Variants in MYH9 observed in about 807,000 individuals in gnomAD.
MYH9 encodes myosin heavy chain 9, also known as myosin-9.
A neutral mutation model predicts 241.9 loss-of-function variants in MYH9; 29 were observed. The ratio of observed to expected loss-of-function variants is 0.12; its 90% CI spans 0.09 to 0.16. The LOEUF is 0.16. Among genes scored for constraint, MYH9 ranks in the 10% least tolerant of loss-of-function variants. MYH9 has a pLI of 1.00. For missense variants in MYH9, 1,803 were observed against 2,595.5 expected, an observed-to-expected ratio of 0.69 and a Z score of 6.63; for synonymous variants, 1,047 against 1,062.6, an observed-to-expected ratio of 0.99 and a Z score of 0.29.
intron 19 of MYH9, among the ~76,000 whole-genome samples, chr22:36,303,784 C>CAAAA (rs56983008): frequency 4.1e-5 from 2 of 48,414 alleles, no homozygotes; most frequent in Non-Finnish European, 4.4e-5. Flanking sequence ...GACTCCGTCT[C>CAAAA]AAAAAAAAAA....
intron 3 of MYH9, among the ~76,000 whole-genome samples, 199 bp from the exon 4 acceptor site, chr22:36,327,687 G>T (rs1021442545): frequency 3.3e-5 from 5 of 152,116 alleles, no homozygotes; most frequent in South Asian, 2.1e-4. Context: ...TGCTCCTGCC[G>T]CCCAGGAGCT....
Position 36,330,063 on chromosome 22 carries a change from A to G in MYH9, c.491-2575T>C, listed in dbSNP as rs2017398566. Among the ~76,000 whole-genome samples, 1 of 152,236 alleles carries G rather than the reference A, an allele frequency of 6.6e-6. No individual in the cohort carries two copies. The highest frequency in any genetic ancestry group is 2.4e-5 in the African/African-American group (1 of 41,460). ...CATGCACACACACGGATGTATGCAC[A>G]GGCACACACACTTCAAATTCCGAAA... On this transcript the variant is annotated intron_variant, in intron 3 of 40. Transcript: ENST00000216181. The surrounding 1 kb of genome is among the most constrained non-coding windows in gnomAD (Gnocchi z 4.5).
chr22:36,305,796 C>T lies in MYH9; in HGVS notation c.2159+134G>A. ...GAGAAGGAGGTGGGGAAGAGCTGGCCAGACTCAGTTCTACATGGATGGAGG... is the reference window on the plus strand; with the variant it reads ...GAGAAGGAGGTGGGGAAGAGCTGGCTAGACTCAGTTCTACATGGATGGAGG... On this transcript the variant is annotated intron_variant, in intron 17 of 40. Transcript: ENST00000216181. This position sits in a 1 kb window ranked among gnomAD's most constrained non-coding sequence, Gnocchi z 4.7. The T allele has an allele frequency of 1.5e-6, 2 of 1,303,642 alleles. No individual in the cohort carries two copies. Among genetic ancestry groups the T allele is most frequent in the African/African-American group, 1.4e-5 (1 of 69,076 alleles). The allele number at this position is 1,303,642 out of a possible 1,614,324, so 80.8% of individuals were successfully genotyped here. A position where few individuals can be genotyped will look rare whatever the true frequency, so the allele number is the denominator to read the frequency against.
chr22:36,318,449 C>T (rs1186819373), intron 10 of MYH9, 124 bp from the exon 11 acceptor site: 7 of 829,362 alleles, frequency 8.4e-6, no homozygotes, highest in South Asian at 5.3e-5. Flanking sequence ...GGAAGAAAGC[C>T]ACGGGGTGAA....
chr22:36,341,923 G>A (rs999043521), intron 2 of MYH9, among the ~76,000 whole-genome samples: 8 of 152,258 alleles, frequency 5.3e-5, no homozygotes, highest in African/African-American at 1.9e-4. Flanking sequence ...CTCAGCTGCA[G>A]CGCAGCAAAC....
At chr22:36,371,724 A>C (rs2018092766) in intron 1 of MYH9, among the ~76,000 whole-genome samples, 1 of 151,954 alleles carries the variant, frequency 6.6e-6, no homozygotes, top group Non-Finnish European at 1.5e-5. Flanking sequence ...TTTAGTAGAG[A>C]CGGTTTCACC....
intron 34 of MYH9, among the ~76,000 whole-genome samples, chr22:36,287,780 A>G (rs747307059): frequency 6.6e-6 from 1 of 152,238 alleles, no homozygotes; most frequent in Non-Finnish European, 1.5e-5. Flanking sequence ...AACTAAGGTT[A>G]TTCTTGTTAC....
At chr22:36,316,735 C>A in intron 11 of MYH9, 66 bp from the exon 12 acceptor site, 1 of 1,591,902 alleles carries the variant, frequency 6.3e-7, no homozygotes, top group Non-Finnish European at 8.6e-7. Flanking sequence ...ATACCCTATG[C>A]CCCAGTAATT....
chr22:36,374,437 T>C (rs1173217903), intron 1 of MYH9, among the ~76,000 whole-genome samples: 1 of 152,208 alleles, frequency 6.6e-6, no homozygotes, highest in African/African-American at 2.4e-5. Context: ...GGAGGATTGC[T>C]TGAACCTGGG....
chr22:36,357,668 C>T (rs2017877503), intron 1 of MYH9, among the ~76,000 whole-genome samples: 1 of 152,264 alleles, frequency 6.6e-6, no homozygotes, highest in South Asian at 2.1e-4. Context: ...AGTCGTCATC[C>T]TCCCCCATCT....
At chr22:36,282,849 A>G (rs768514267) in intron 40 of MYH9, 64 bp from the exon 41 acceptor site, 33 of 1,382,364 alleles carry the variant, frequency 2.4e-5, no homozygotes, top group Non-Finnish European at 3.3e-5. Flanking sequence ...GCCACAGCAC[A>G]GCCCACACAT....
At position 36,294,256 on chromosome 22, in the gene MYH9, C is replaced by G. The variant is rs770864107; in HGVS notation, c.3673G>C (p.Glu1225Gln). 6 of 1,614,008 alleles carry G rather than the reference C, an allele frequency of 3.7e-6. No individual in the cohort carries two copies. Among genetic ancestry groups the G allele is most frequent in the African/African-American group, 1.3e-5 (1 of 74,934 alleles). ...LEKAKQTLEN[E>Q]RGELANEVKV... is the part of the protein sequence containing the mutation. Reference sequence around the variant, plus strand: ...ACCTCGTTGGCCAGCTCCCCCCGCTCGTTCTCCAGAGTCTGCTTTGCCTTC... The same window carrying G: ...ACCTCGTTGGCCAGCTCCCCCCGCTGGTTCTCCAGAGTCTGCTTTGCCTTC... The change falls in exon 28 of 41, where the codon GAG becomes CAG. Residue 1225 changes from glutamate to glutamine, a missense_variant. By Grantham distance (29) the Glu-to-Gln change is conservative (BLOSUM62 2). Coordinates refer to ENST00000216181, the MANE Select transcript of MYH9 (RefSeq NM_002473.6).
chr22:36,341,186 A>G (rs2017582603), intron 3 of MYH9, among the ~76,000 whole-genome samples, 184 bp downstream of exon 3: 1 of 152,174 alleles, frequency 6.6e-6, no homozygotes, highest in South Asian at 2.1e-4. Flanking sequence ...CAACATATAA[A>G]CATGTCCTCT....
intron 1 of MYH9, among the ~76,000 whole-genome samples, chr22:36,356,309 G>C (rs2017854566): frequency 6.6e-6 from 1 of 152,146 alleles, no homozygotes; most frequent in South Asian, 2.1e-4. Context: ...GGCCAGGCGT[G>C]GTGGCTCATG....
intron 13 of MYH9, among the ~76,000 whole-genome samples, chr22:36,313,415 G>C (rs545650843): frequency 7.6e-5 from 10 of 131,274 alleles, no homozygotes; most frequent in African/African-American, 2.0e-4. Flanking sequence ...TCAGGCCACT[G>C]CACTCCAGCC....
chr22:36,378,537 G>T (rs1481585275), intron 1 of MYH9, among the ~76,000 whole-genome samples: 1 of 152,140 alleles, frequency 6.6e-6, no homozygotes, highest in Non-Finnish European at 1.5e-5. Context: ...ATCAGGGCTG[G>T]CTGAGGACAG....
At chr22:36,340,198 C>T (rs1320612765) in intron 3 of MYH9, among the ~76,000 whole-genome samples, 1 of 149,600 alleles carries the variant, frequency 6.7e-6, no homozygotes, top group Non-Finnish European at 1.5e-5. Flanking sequence ...CGGTCTTTGC[C>T]ATTACTTTTA....
rs961875749 is a variant in MYH9 at position 36,284,197 on chromosome 22, C to T, written c.5661G>A (p.Gln1887=). 1.2e-6 allele frequency: 2 copies of T among 1,613,662 alleles called. No individual in the cohort carries two copies. Among genetic ancestry groups the T allele is most frequent in the Non-Finnish European group, 1.7e-6 (2 of 1,179,870 alleles). The change falls in exon 40 of 41, where the codon CAG becomes CAA. Residue 1887 remains glutamine (Q), a synonymous_variant. Coordinates refer to ENST00000216181, the MANE Select transcript of MYH9 (RefSeq NM_002473.6). The part of the protein sequence containing the change: ...RQLEEAEEEA[Q]RANASRRKLQ... ...GTTTCCGGCGGGAGGCGTTGGCCCGCTGGGCCTCCTCTTCGGCCTCCTCCA... is the reference window on the plus strand; with the variant it reads ...GTTTCCGGCGGGAGGCGTTGGCCCGTTGGGCCTCCTCTTCGGCCTCCTCCA...
rs2017385920 is a variant in MYH9, at chr22:36,329,318, A to T, written c.491-1830T>A. Among the ~76,000 whole-genome samples, 1 of 152,228 alleles carries T rather than the reference A, an allele frequency of 6.6e-6. No homozygotes were observed. The highest frequency in any genetic ancestry group is 2.4e-5 in the African/African-American group (1 of 41,460). The stretch of plus-strand genomic sequence containing the variant: ...AGCCTGCACAGCGAGGACAGAGATT[A>T]GAGACCTGCATCCTCGACTAGACAG... On this transcript the variant is annotated intron_variant, in intron 3 of 40. Transcript: ENST00000216181. The surrounding 1 kb of genome is among the most constrained non-coding windows in gnomAD (Gnocchi z 4.1).
Sources: gnomAD v4.1 joint callset for allele counts (sites outside exome capture counted in the v4.1 genomes callset) on GRCh38, gnomAD v4.1.1 for gene constraint, Gnocchi (gnomAD v3.1) non-coding constraint, MANE v1.5 for transcripts, NCBI Gene and HGNC (gene_info 2026-07-23, HGNC 2026-07-21) for gene names.